The following FAM135B variants were observed in gnomAD, a reference collection of about 807,000 sequenced individuals.
FAM135B encodes the protein protein FAM135B.
FAM135B carries 43 observed loss-of-function variants against 127.7 expected under a neutral mutation model. The ratio of observed to expected loss-of-function variants is 0.34; its 90% CI spans 0.26 to 0.43. FAM135B has a LOEUF of 0.43. FAM135B is among the 20% of genes least tolerant of loss of function. The pLI is 1.00. For synonymous variants in FAM135B, 670 were observed against 665.1 expected, an observed-to-expected ratio of 1.01 and a Z score of -0.11; for missense variants, 1,558 against 1,725.6, an observed-to-expected ratio of 0.90 and a Z score of 1.72.
At chr8:138,199,213 G>A (rs981640590) in intron 7 of FAM135B, among the ~76,000 whole-genome samples, 3 of 152,096 alleles carry the variant, frequency 2.0e-5, no homozygotes, top group Non-Finnish European at 2.9e-5. Context: ...AGATAATGAC[G>A]GGCACTATTA....
intron 2 of FAM135B, among the ~76,000 whole-genome samples, chr8:138,322,269 C>T (rs1199240363): frequency 1.3e-5 from 2 of 152,198 alleles, no homozygotes; most frequent in South Asian, 2.1e-4. Flanking sequence ...CAAAACAGCT[C>T]CTCTGCCCCA....
chr8:138,445,876 A>C lies in FAM135B; in HGVS notation c.-20+50795T>G, dbSNP rs551586541. ...AGGAAGTCAAATTATCCCTGTTTGC[A>C]GATGACATAATTGTATATCTAGAAA... On this transcript the variant is annotated intron_variant, in intron 1 of 19. Coordinates refer to ENST00000395297, the MANE Select transcript of FAM135B (RefSeq NM_015912.4). Among the ~76,000 whole-genome samples, 11 of 152,324 alleles carry C rather than the reference A, an allele frequency of 7.2e-5. No homozygotes were observed. In the South Asian group the frequency reaches 2.3e-3, roughly 32 times the overall value.
At chr8:138,389,466 G>A (rs566187886) in intron 1 of FAM135B, among the ~76,000 whole-genome samples, 1 of 152,308 alleles carries the variant, frequency 6.6e-6, no homozygotes, top group East Asian at 1.9e-4. Flanking sequence ...AAATATTCGT[G>A]CAGTAGGATA....
At chr8:138,286,699 T>C (rs1468164833) in intron 3 of FAM135B, among the ~76,000 whole-genome samples, 2 of 152,222 alleles carry the variant, frequency 1.3e-5, no homozygotes, top group African/African-American at 4.8e-5. Context: ...GGTGCCATTT[T>C]AAGGCCCAAG....
In FAM135B at chr8:138,148,517, C is replaced by A. The variant is rs199631900; in HGVS notation, c.3448+3G>T. On this transcript the variant is annotated splice_donor_region_variant and intron_variant, in intron 14 of 19. Transcript: ENST00000395297. ...TGGGAAGAAAACTTGTTTTAGAACT[C>A]ACCATCCAGGCCATGGACACAGACA... 39 of 1,613,120 alleles carry A rather than the reference C, an allele frequency of 2.4e-5. No homozygotes were observed. In the East Asian group the frequency reaches 8.2e-4, roughly 34 times the overall value.
chr8:138,239,492 C>A (rs1416885219), intron 7 of FAM135B, among the ~76,000 whole-genome samples: 1 of 152,022 alleles, frequency 6.6e-6, no homozygotes, highest in Non-Finnish European at 1.5e-5. Context: ...AAATTTTTCT[C>A]CCATTCTGTA....
chr8:138,254,435 G>A (rs1821923125), intron 5 of FAM135B, among the ~76,000 whole-genome samples: 1 of 152,174 alleles, frequency 6.6e-6, no homozygotes, highest in Non-Finnish European at 1.5e-5. Flanking sequence ...CTACCATAAA[G>A]CTATGAATGA....
At chr8:138,165,223 C>T (rs908905758) in intron 12 of FAM135B, among the ~76,000 whole-genome samples, 4 of 151,444 alleles carry the variant, frequency 2.6e-5, no homozygotes, top group African/African-American at 2.4e-5. Flanking sequence ...CAGGTTCAAG[C>T]GATTCTCCTG....
intron 9 of FAM135B, among the ~76,000 whole-genome samples, chr8:138,188,957 C>A (rs11992577): frequency 0.06 from 9,135 of 152,254 alleles, 636 homozygotes; most frequent in African/African-American, 0.17. Flanking sequence ...AAGGTCCTGG[C>A]AAGGGCCCCA....
chr8:138,410,649 G>A (rs1833809187), intron 1 of FAM135B, among the ~76,000 whole-genome samples: 1 of 152,172 alleles, frequency 6.6e-6, no homozygotes, highest in Non-Finnish European at 1.5e-5. Context: ...TGTTGGCAAG[G>A]CTGTGGAGAA....
intron 1 of FAM135B, among the ~76,000 whole-genome samples, chr8:138,425,964 C>CATATATATATATATAT (rs11271386): frequency 3.7e-4 from 41 of 109,978 alleles, no homozygotes; most frequent in Non-Finnish European, 5.6e-4. Context: ...GCCAGGCCAA[C>CATATATATATATATAT]ATATATATAT....
At chr8:138,480,729 G>T (rs1007003641) in intron 1 of FAM135B, among the ~76,000 whole-genome samples, 29 of 152,168 alleles carry the variant, frequency 1.9e-4, no homozygotes, top group African/African-American at 7.0e-4. Context: ...AAGTCAACTT[G>T]TCCTAGTTTG....
intron 1 of FAM135B, among the ~76,000 whole-genome samples, chr8:138,407,467 A>G (rs1281040654): frequency 6.6e-6 from 1 of 152,246 alleles, no homozygotes; most frequent in East Asian, 1.9e-4. Flanking sequence ...CTAAGCCAAA[A>G]GAACAAAGCC....
At position 138,285,994 on chromosome 8, in the gene FAM135B, C is replaced by T. The variant is rs367870986; in HGVS notation, c.158-20152G>A. 3.3e-4 allele frequency among the ~76,000 whole-genome samples: 50 copies of T among 152,196 alleles called. No individual in the cohort carries two copies. In the South Asian group the frequency reaches 7.5e-3, roughly 23 times the overall value. ...ACTAGAGTTATGGCAGTGAAGAGAA[C>T]GGAGTTCCTGTCTTCATAGAACTTA... On this transcript the variant is annotated intron_variant, in intron 3 of 19. Transcript: ENST00000395297.
chr8:138,451,204 C>T (rs1415871186), intron 1 of FAM135B, among the ~76,000 whole-genome samples: 1 of 152,182 alleles, frequency 6.6e-6, no homozygotes, highest in Non-Finnish European at 1.5e-5. Flanking sequence ...TGAACTAAAT[C>T]TCTACCATGT....
intron 9 of FAM135B, among the ~76,000 whole-genome samples, chr8:138,195,005 T>C (rs1470747633): frequency 6.6e-6 from 1 of 152,234 alleles, no homozygotes; most frequent in African/African-American, 2.4e-5. Context: ...AATACATATG[T>C]GTAGCCTAAG....
At chr8:138,373,711 T>C (rs376516927) in intron 1 of FAM135B, among the ~76,000 whole-genome samples, 30 of 152,238 alleles carry the variant, frequency 2.0e-4, no homozygotes, top group East Asian at 5.8e-4. Flanking sequence ...AAAGAGAATG[T>C]GCCCCTGAGG....
At chr8:138,356,226 T>C (rs561189250) in intron 2 of FAM135B, among the ~76,000 whole-genome samples, 1 of 151,136 alleles carries the variant, frequency 6.6e-6, no homozygotes, top group Admixed American at 6.6e-5. Context: ...AGGACTAAAA[T>C]GGTGTGTTGA....
Position 138,224,385 on chromosome 8 carries a change from C to T in FAM135B, c.669+18557G>A, listed in dbSNP as rs79955654. On this transcript the variant is annotated intron_variant, in intron 7 of 19. Coordinates refer to ENST00000395297, the MANE Select transcript of FAM135B (RefSeq NM_015912.4). ...GAACTCATGCATGCACACATGCACA[C>T]GCACACAGACAACGCAAGAGGGGCT... is the stretch of plus-strand genomic sequence containing the variant. 7.5e-3 allele frequency among the ~76,000 whole-genome samples: 1,140 copies of T among 152,202 alleles called. 11 individuals carry two copies. Among genetic ancestry groups the T allele is most frequent in the African/African-American group, 0.026 (1,067 of 41,532 alleles).
Sources: allele counts gnomAD v4.1 joint callset (sites outside exome capture counted in the v4.1 genomes callset), GRCh38; gene constraint gnomAD v4.1.1; transcripts MANE v1.5; gene names NCBI Gene and HGNC (gene_info 2026-07-23, HGNC 2026-07-21).